The following CARD14 variants were observed in gnomAD, a reference collection of about 807,000 sequenced individuals.
CARD14 encodes caspase recruitment domain-containing protein 14.
CARD14 carries 107 observed loss-of-function variants against 111.5 expected under a neutral mutation model. That is an observed-to-expected ratio of 0.96 (90% CI 0.82 to 1.13). The LOEUF is 1.13. Among genes scored for constraint, CARD14 ranks in the 50% most tolerant of loss-of-function variants. The probability of loss-of-function intolerance (pLI) is 0.00; values close to 1 mark genes in which losing one functional copy is unlikely to be tolerated. For missense variants in CARD14, 1,322 were observed against 1,362.3 expected (o/e 0.97, Z 0.47); for synonymous variants, 617 against 579.6 (o/e 1.06, Z -0.93).
In CARD14 at chr17:80,187,415, G is replaced by A. The variant is rs185817611; in HGVS notation, c.676-962G>A. Among the ~76,000 whole-genome samples, 3 of 152,332 alleles carry A rather than the reference G, an allele frequency of 2.0e-5. No homozygotes were observed. The East Asian group carries it at 5.8e-4, about 29-fold the overall frequency. On this transcript the variant is annotated intron_variant, in intron 7 of 23. Transcript: ENST00000648509. ...TCCTTGTCTGTCTGTCTCTCTCTTC[G>A]TTGTGGTTATGGCGTCTGTTGGAAA...
Position 80,202,435 on chromosome 17 carries a change from C to T in CARD14, c.2219+15C>T, listed in dbSNP as rs1315761685. 8.1e-6 allele frequency: 13 copies of T among 1,605,140 alleles called. No homozygotes were observed. The highest frequency in any genetic ancestry group is 3.3e-5 in the South Asian group (3 of 90,922). ...AACTACTCCAGGTGAGCAGCTGCCT[C>T]GAGCTCGGTGCGTCCCCAGAGAGGC... On this transcript the variant is annotated intron_variant, in intron 18 of 23. Coordinates refer to ENST00000648509, the MANE Select transcript of CARD14 (RefSeq NM_001366385.1).
chr17:80,184,092 C>A lies in CARD14; in HGVS notation c.529C>A (p.His177Asn), dbSNP rs1357558018. The change falls in exon 7 of 24, where the codon CAC becomes AAC. Residue 177 changes from histidine (H) to asparagine (N), a missense_variant. Coordinates refer to ENST00000648509, the MANE Select transcript of CARD14 (RefSeq NM_001366385.1). The stretch of plus-strand genomic sequence containing the variant: ...GGGCCTGCACCAGCTGGAGGCTGAC[C>A]ACAGCCGCATGAAGCGTGAGGTTAG... ...AEGLHQLEAD[H>N]SRMKREVSAH... The A allele has an allele frequency of 1.9e-6, 3 of 1,583,118 alleles. No individual in the cohort carries two copies. The highest frequency in any genetic ancestry group is 1.3e-5 in the African/African-American group (1 of 74,520).
In CARD14 at chr17:80,203,875, T is replaced by C; in HGVS notation, c.2273T>C (p.Val758Ala). The C allele has an allele frequency of 6.3e-7, 1 of 1,596,290 alleles. No homozygotes were observed. The highest frequency in any genetic ancestry group is 8.5e-7 in the Non-Finnish European group (1 of 1,172,396). ...LIQDMTQQCT[V>A]TRKPSSGGPQ... ...CAGGACATGACTCAGCAGTGCACCG[T>C]GACCCGCAAGGTGAGGCTCCAGGGA... is the stretch of plus-strand genomic sequence containing the variant. The change falls in exon 19 of 24, where the codon GTG (valine) becomes GCG (alanine). Residue 758 changes from valine (V) to alanine (A), a missense_variant. By Grantham distance (64) the Val-to-Ala change is moderately conservative. Transcript: ENST00000648509. The surrounding 1 kb of genome is among the most constrained non-coding windows in gnomAD (Gnocchi z 4.6).
At chr17:80,190,480 G>C (rs948333448) in intron 9 of CARD14, among the ~76,000 whole-genome samples, 1 of 152,188 alleles carries the variant, frequency 6.6e-6, no homozygotes, top group Admixed American at 6.5e-5. Flanking sequence ...GGGCCTGGTG[G>C]TGTGTGCCTG....
Position 80,203,169 on chromosome 17 carries a change from C to G in CARD14, c.2220-653C>G, listed in dbSNP as rs1187505263. The G allele has an allele frequency of 6.6e-6, 1 of 151,818 alleles. No homozygotes were observed. Among genetic ancestry groups the G allele is most frequent in the African/African-American group, 2.4e-5 (1 of 41,238 alleles). The allele number at this position is 151,818 out of a possible 1,614,324, so 9.4% of individuals were successfully genotyped here. On this transcript the variant is annotated intron_variant, in intron 18 of 23. Coordinates refer to ENST00000648509, the MANE Select transcript of CARD14 (RefSeq NM_001366385.1). The surrounding 1 kb of genome is among the most constrained non-coding windows in gnomAD (Gnocchi z 4.6). Reference sequence around the variant, plus strand: ...CCTGTAATCCCAGCTACTCAGGAGGCTGAGGCAGGAGAATCACTTGAACCC... The same window carrying G: ...CCTGTAATCCCAGCTACTCAGGAGGGTGAGGCAGGAGAATCACTTGAACCC...
intron 12 of CARD14, among the ~76,000 whole-genome samples, chr17:80,194,288 G>C (rs527979587): frequency 6.6e-6 from 1 of 152,260 alleles, no homozygotes; most frequent in South Asian, 2.1e-4. Context: ...GTGCCCGTTG[G>C]TTCCCCCACC....
chr17:80,189,891 C>T lies in CARD14; in HGVS notation c.963+19C>T. ...AGAGCAGGTGCCGTGTGAGCCCTTCCTCCCTTGTGACTCTCCTGGGGCTTG... is the reference window on the plus strand; with the variant it reads ...AGAGCAGGTGCCGTGTGAGCCCTTCTTCCCTTGTGACTCTCCTGGGGCTTG... On this transcript the variant is annotated intron_variant, in intron 9 of 23. Coordinates refer to ENST00000648509, the MANE Select transcript of CARD14 (RefSeq NM_001366385.1). The surrounding 1 kb of genome is among the most constrained non-coding windows in gnomAD (Gnocchi z 4.7). The T allele has an allele frequency of 1.9e-6, 3 of 1,590,726 alleles. No individual in the cohort carries two copies. The highest frequency in any genetic ancestry group is 2.6e-6 in the Non-Finnish European group (3 of 1,171,286).
chr17:80,185,055 A>G (rs942513122), intron 7 of CARD14, among the ~76,000 whole-genome samples: 2 of 152,008 alleles, frequency 1.3e-5, no homozygotes, highest in Non-Finnish European at 2.9e-5. Context: ...TATTATTACT[A>G]TTATTTTTAA....
chr17:80,175,012 G>C (rs2039993130), intron 2 of CARD14, among the ~76,000 whole-genome samples: 1 of 150,924 alleles, frequency 6.6e-6, no homozygotes, highest in Admixed American at 6.6e-5. Flanking sequence ...GTCTCAGTCT[G>C]TCATCCAGGC....
rs2041502047 is a variant in CARD14 at position 80,208,906 on chromosome 17, G to A, written c.*561G>A. 6.6e-6 allele frequency: 1 copy of A among 152,314 alleles called. No homozygotes were observed. Among genetic ancestry groups the A allele is most frequent in the African/African-American group, 2.4e-5 (1 of 41,468 alleles). The allele number at this position is 152,314 out of a possible 1,614,324, so 9.4% of individuals were successfully genotyped here. ...AGCTTCTGAGGCTGCGATGCCTCAG[G>A]AACTCCAGTTTACAGAGACCAGTGT... On this transcript the variant is annotated 3_prime_UTR_variant, in exon 24 of 24. Transcript: ENST00000648509.
Position 80,191,453 on chromosome 17 carries a change from A to G in CARD14, c.1220A>G (p.Gln407Arg). ...CELRTQLRQL[Q>R]AEPPGVLKQE... ...CTGCGCACACAGCTTCGCCAGCTGC[A>G]GGCAGAGCCTCCGGGTGTGGTGAGT... Residue 407 changes from glutamine to arginine, a missense_variant, in exon 11 of 24, where the codon CAG becomes CGG. Physicochemically the swap from Gln to Arg is conservative, Grantham distance 43. Transcript: ENST00000648509. 4.3e-6 allele frequency: 7 copies of G among 1,612,992 alleles called. No individual in the cohort carries two copies. Among genetic ancestry groups the G allele is most frequent in the East Asian group, 2.2e-5 (1 of 44,846 alleles).
At position 80,182,825 on chromosome 17, in the gene CARD14, T is replaced by C; in HGVS notation, c.349+35T>C. The C allele has an allele frequency of 6.2e-7, 1 of 1,611,990 alleles. No individual in the cohort carries two copies. The highest frequency in any genetic ancestry group is 8.5e-7 in the Non-Finnish European group (1 of 1,178,430). On this transcript the variant is annotated intron_variant, in intron 6 of 23. Coordinates refer to ENST00000648509, the MANE Select transcript of CARD14 (RefSeq NM_001366385.1). The surrounding 1 kb of genome is among the most constrained non-coding windows in gnomAD (Gnocchi z 4.7). ...CCGACTTTGACGGTTTGGCAGGCAC[T>C]TCTAGGAACCTCAGGCTCCTGGTAA...
At position 80,208,214 on chromosome 17, in the gene CARD14, C is replaced by T. The variant is rs768891477; in HGVS notation, c.2884C>T (p.Arg962Trp). The change falls in exon 24 of 24, where the codon CGG (arginine) becomes TGG (tryptophan). Residue 962 changes from arginine (R) to tryptophan (W), a missense_variant. Coordinates refer to ENST00000648509, the MANE Select transcript of CARD14 (RefSeq NM_001366385.1). ...AARQEEGDLDRAPCLYSSLAP... is the reference protein window; with the variant it reads ...AARQEEGDLDWAPCLYSSLAP... ...GAGGCAGGAGGAGGGAGACCTGGAC[C>T]GGGCGCCCTGTCTATACAGCAGCCT... 62 of 1,559,066 alleles carry T rather than the reference C, an allele frequency of 4.0e-5. No homozygotes were observed. In the African/African-American group the frequency reaches 6.3e-4, roughly 16 times the overall value.
rs1332503520 is a variant in CARD14, at chr17:80,188,544, G to T, written c.843G>T (p.Leu281=). ...AACTGCGCTCGCTGACTTTCAGCCT[G>T]GTAGGTTCCGGTCCCCGCAGCAGAG... ...NEKLRSLTFS[L]AEKDILEQSL... Residue 281 remains leucine, a splice_region_variant and synonymous_variant, in exon 8 of 24, where the codon CTG becomes CTT. Coordinates refer to ENST00000648509, the MANE Select transcript of CARD14 (RefSeq NM_001366385.1). This position sits in a 1 kb window ranked among gnomAD's most constrained non-coding sequence, Gnocchi z 4.5. 22 of 1,499,780 alleles carry T rather than the reference G, an allele frequency of 1.5e-5. No homozygotes were observed. The highest frequency in any genetic ancestry group is 2.8e-5 in the African/African-American group (2 of 70,810). 92.9% of individuals were successfully genotyped at this position (1,499,780 alleles called of 1,614,324 possible).
rs759000751 is a variant in CARD14 at position 80,195,229 on chromosome 17, C to T, written c.1395C>T (p.Arg465=). ...LLSDLSATSS[R]ELVDSFRSSS... ...CGGACCTGAGTGCCACGTCCAGCCG[C>T]GAGCTGGTGGACAGCTTCCGCTCCA... Residue 465 remains arginine, a synonymous_variant, in exon 13 of 24, where the codon CGC becomes CGT. Transcript: ENST00000648509. This position sits in a 1 kb window ranked among gnomAD's most constrained non-coding sequence, Gnocchi z 4.7. 1.3e-4 allele frequency: 203 copies of T among 1,611,650 alleles called. No homozygotes were observed. The Admixed American group carries it at 2.9e-3, about 23-fold the overall frequency.
chr17:80,208,169 G>A lies in CARD14; in HGVS notation c.2839G>A (p.Glu947Lys). 6.5e-7 allele frequency: 1 copy of A among 1,548,250 alleles called. No individual in the cohort carries two copies. The highest frequency in any genetic ancestry group is 8.7e-7 in the Non-Finnish European group (1 of 1,145,942). Residue 947 changes from glutamate to lysine, a missense_variant, in exon 24 of 24, where the codon GAG becomes AAG. Coordinates refer to ENST00000648509, the MANE Select transcript of CARD14 (RefSeq NM_001366385.1). ...CCTACAGCGGTTGGGCACCTCAGAG[G>A]AGCAGCTCCTGGAGGCTGCGAGGCA... ...KGLQRLGTSE[E>K]QLLEAARQEE... is the part of the protein sequence containing the mutation.
At chr17:80,180,989 T>C (rs60677559) in intron 4 of CARD14, among the ~76,000 whole-genome samples, 7,224 of 152,146 alleles carry the variant, frequency 0.047, 216 homozygotes, top group East Asian at 0.13. Flanking sequence ...TCTCGAACTC[T>C]TAGGCTTGAG....
intron 6 of CARD14, 104 bp from the exon 7 acceptor site, chr17:80,183,809 T>C (rs368881095): frequency 9.3e-5 from 74 of 796,594 alleles, no homozygotes; most frequent in African/African-American, 1.1e-4. Context: ...CATGCTCACC[T>C]GCCCACATGC....
At chr17:80,183,294 G>A (rs1445202406) in intron 6 of CARD14, among the ~76,000 whole-genome samples, 1 of 152,236 alleles carries the variant, frequency 6.6e-6, no homozygotes, top group Non-Finnish European at 1.5e-5. Context: ...GCTGTTGAAA[G>A]ATTTAGGTAT....
Sources: gnomAD v4.1 joint callset for allele counts (sites outside exome capture counted in the v4.1 genomes callset) on GRCh38, gnomAD v4.1.1 for gene constraint, Gnocchi (gnomAD v3.1) non-coding constraint, MANE v1.5 for transcripts, NCBI Gene and HGNC (gene_info 2026-07-23, HGNC 2026-07-21) for gene names.